The following SYT1 variants were observed in gnomAD, a reference collection of about 807,000 sequenced individuals.
SYT1 encodes the protein synaptotagmin-1.
In SYT1, 8 loss-of-function variants were observed where a neutral mutation model predicts 44.8. The observed-to-expected ratio is 0.18, with a 90% CI of 0.10 to 0.32. The LOEUF is 0.32. Among genes scored for constraint, SYT1 ranks in the 10% least tolerant of loss-of-function variants. SYT1 has a pLI of 1.00. For synonymous variants in SYT1, 154 were observed against 188.8 expected, an observed-to-expected ratio of 0.82 and a Z score of 1.51; for missense variants, 286 against 509.3, an observed-to-expected ratio of 0.56 and a Z score of 4.22.
intron 3 of SYT1, among the ~76,000 whole-genome samples, chr12:79,104,846 G>C (rs1235695094): frequency 6.6e-6 from 1 of 152,032 alleles, no homozygotes; most frequent in South Asian, 2.1e-4. Flanking sequence ...AGGGCTTTCT[G>C]GAAACACAGT....
intron 3 of SYT1, among the ~76,000 whole-genome samples, chr12:79,086,194 A>T (rs1201444772): frequency 6.6e-6 from 1 of 152,122 alleles, no homozygotes; most frequent in African/African-American, 2.4e-5. Context: ...CATCATCATC[A>T]TTGTTATATA....
intron 4 of SYT1, among the ~76,000 whole-genome samples, chr12:79,282,809 A>G (rs1879118691): frequency 1.3e-5 from 2 of 152,208 alleles, no homozygotes; most frequent in Non-Finnish European, 2.9e-5. Context: ...GTGATACTGA[A>G]CAAAACTGCT....
intron 3 of SYT1, among the ~76,000 whole-genome samples, chr12:79,184,801 G>T (rs1171059923): frequency 6.6e-6 from 1 of 151,980 alleles, no homozygotes; most frequent in Non-Finnish European, 1.5e-5. Flanking sequence ...AATCTAATTT[G>T]CACCCCAGTG....
intron 3 of SYT1, among the ~76,000 whole-genome samples, chr12:79,104,866 A>C (rs984888947): frequency 3.3e-5 from 5 of 152,170 alleles, no homozygotes; most frequent in African/African-American, 7.2e-5. Context: ...TATCTGAATA[A>C]ATATTAAAAG....
chr12:79,014,822 C>T (rs1871692720), intron 2 of SYT1, among the ~76,000 whole-genome samples: 2 of 151,884 alleles, frequency 1.3e-5, no homozygotes, highest in South Asian at 4.2e-4. Context: ...AAATATCCAA[C>T]AATGATAGAC....
chr12:79,032,573 A>G (rs1378821066), intron 2 of SYT1, among the ~76,000 whole-genome samples: 4 of 151,252 alleles, frequency 2.6e-5, no homozygotes, highest in Admixed American at 6.6e-5. Context: ...CTGCCAACCA[A>G]GTTTGCTAGT....
At chr12:79,058,166 T>C (rs2137828111) in intron 3 of SYT1, among the ~76,000 whole-genome samples, 1 of 152,188 alleles carries the variant, frequency 6.6e-6, no homozygotes. Flanking sequence ...CCCCAACTTA[T>C]GAATGAGTTA....
chr12:78,951,536 C>T (rs1878969551), intron 1 of SYT1, among the ~76,000 whole-genome samples: 2 of 152,074 alleles, frequency 1.3e-5, no homozygotes, highest in Admixed American at 6.6e-5. Flanking sequence ...TCCAGGACAA[C>T]ATTAATATGG....
At chr12:79,086,820 A>T (rs1382994453) in intron 3 of SYT1, among the ~76,000 whole-genome samples, 1 of 152,206 alleles carries the variant, frequency 6.6e-6, no homozygotes, top group Non-Finnish European at 1.5e-5. Flanking sequence ...TGTGTGCAGC[A>T]TATCTAAGCT....
chr12:79,113,533 T>G (rs943127700), intron 3 of SYT1, among the ~76,000 whole-genome samples: 4 of 152,186 alleles, frequency 2.6e-5, no homozygotes, highest in African/African-American at 9.6e-5. Context: ...CTTTTGGAGA[T>G]ACATACTGTG....
chr12:79,206,385 G>C (rs1874127916), intron 3 of SYT1, among the ~76,000 whole-genome samples: 1 of 152,136 alleles, frequency 6.6e-6, no homozygotes, highest in Non-Finnish European at 1.5e-5. Context: ...AGTCACCTTT[G>C]AGTGATTTGT....
intron 9 of SYT1, among the ~76,000 whole-genome samples, chr12:79,373,932 G>A (rs1304344344): frequency 6.6e-6 from 1 of 152,084 alleles, no homozygotes; most frequent in Non-Finnish European, 1.5e-5. Context: ...CTCATTTTAG[G>A]CAACATGCTC....
At chr12:79,066,661 T>C (rs1471991854) in intron 3 of SYT1, among the ~76,000 whole-genome samples, 1 of 152,116 alleles carries the variant, frequency 6.6e-6, no homozygotes, top group East Asian at 1.9e-4. Flanking sequence ...AATTAGTGCC[T>C]AATTAGAAAT....
intron 3 of SYT1, among the ~76,000 whole-genome samples, chr12:79,117,090 T>C (rs974484403): frequency 6.6e-6 from 1 of 152,202 alleles, no homozygotes; most frequent in African/African-American, 2.4e-5. Flanking sequence ...AAAGTCCTGT[T>C]ACTGGAGAGA....
At chr12:79,119,799 G>A (rs1879495548) in intron 3 of SYT1, among the ~76,000 whole-genome samples, 1 of 151,950 alleles carries the variant, frequency 6.6e-6, no homozygotes, top group Admixed American at 6.6e-5. Context: ...TAATTCATAA[G>A]TTGTTTTTTT....
chr12:79,308,525 GAAGAAATA>G (rs1880537449), intron 8 of SYT1, among the ~76,000 whole-genome samples: 1 of 114,940 alleles, frequency 8.7e-6, no homozygotes, highest in Non-Finnish European at 1.8e-5. Context: ...AAGAAAGAAA[GAAGAAATA>G]AAGAAAGAAA....
chr12:79,170,094 A>T (rs957499148), intron 3 of SYT1, among the ~76,000 whole-genome samples: 2 of 152,086 alleles, frequency 1.3e-5, no homozygotes, highest in African/African-American at 4.8e-5. Flanking sequence ...TAGCCAGTCT[A>T]TCATTGATGG....
intron 8 of SYT1, among the ~76,000 whole-genome samples, chr12:79,343,507 T>A (rs1427168236): frequency 2.0e-5 from 3 of 152,200 alleles, no homozygotes; most frequent in Non-Finnish European, 1.5e-5. Context: ...AGAAAGTACA[T>A]TGCCTGAGGC....
At chr12:78,876,866 A>ATATGTATTATATATTAT (rs1565697808) in intron 1 of SYT1, among the ~76,000 whole-genome samples, 823 of 12,668 alleles carry the variant, frequency 0.065, 192 homozygotes, top group African/African-American at 0.16. Context: ...TAATATATAT[A>ATATGTATTATATATTAT]ATATATTATA....
Sources: gnomAD v4.1 joint callset for allele counts (sites outside exome capture counted in the v4.1 genomes callset) on GRCh38, gnomAD v4.1.1 for gene constraint, MANE v1.5 for transcripts, NCBI Gene and HGNC (gene_info 2026-07-23, HGNC 2026-07-21) for gene names.